OGDH: variants seen among roughly 807,000 people sequenced by gnomAD.
OGDH encodes oxoglutarate dehydrogenase.
In OGDH, 38 loss-of-function variants were observed where a neutral mutation model predicts 116.6. The ratio of observed to expected loss-of-function variants is 0.33; its 90% CI spans 0.25 to 0.43. The LOEUF is 0.43. Among genes scored for constraint, OGDH ranks in the 20% least tolerant of loss-of-function variants. The probability of loss-of-function intolerance (pLI) is 1.00; values close to 1 mark genes in which losing one functional copy is unlikely to be tolerated. For synonymous variants in OGDH, 488 were observed against 533.3 expected, an observed-to-expected ratio of 0.92 and a Z score of 1.17; for missense variants, 825 against 1,357.2, an observed-to-expected ratio of 0.61 and a Z score of 6.16.
intron 6 of OGDH, 30 bp from the exon 7 acceptor site, chr7:44,674,381 C>A: frequency 6.2e-7 from 1 of 1,613,398 alleles, no homozygotes; most frequent in Non-Finnish European, 8.5e-7. Flanking sequence ...AGTGACATTG[C>A]CCTTCAAGGT....
chr7:44,705,091 C>T (rs1158070881), intron 20 of OGDH, among the ~76,000 whole-genome samples: 4 of 100,032 alleles, frequency 4.0e-5, no homozygotes, highest in African/African-American at 1.6e-4. Flanking sequence ...CTCGCTCTGT[C>T]GCCCAGGCTG....
At chr7:44,676,171 G>T in intron 9 of OGDH, 22 bp downstream of exon 9, 1 of 1,614,170 alleles carries the variant, frequency 6.2e-7, no homozygotes, top group Non-Finnish European at 8.5e-7. Flanking sequence ...AGAGAGGCGT[G>T]CAAGGCAGAT....
At position 44,697,095 on chromosome 7, in the gene OGDH, C is replaced by T; in HGVS notation, c.2051+31C>T. On this transcript the variant is annotated intron_variant, in intron 15 of 22. Coordinates refer to ENST00000222673, the MANE Select transcript of OGDH (RefSeq NM_002541.4). The surrounding 1 kb of genome is among the most constrained non-coding windows in gnomAD (Gnocchi z 6.0). Reference sequence around the variant, plus strand: ...GTTCTGGGCAGTTTTGTTTGCCCTCCAAAGAGTAGAAGATGGAAAGGGAGG... The same window carrying T: ...GTTCTGGGCAGTTTTGTTTGCCCTCTAAAGAGTAGAAGATGGAAAGGGAGG... The T allele has an allele frequency of 6.2e-7, 1 of 1,600,772 alleles. No homozygotes were observed. The highest frequency in any genetic ancestry group is 8.6e-7 in the Non-Finnish European group (1 of 1,169,380).
intron 10 of OGDH, among the ~76,000 whole-genome samples, chr7:44,689,271 A>G (rs1788269585): frequency 7.4e-6 from 1 of 135,178 alleles, no homozygotes; most frequent in Admixed American, 8.5e-5. Context: ...GCTGGAGTGC[A>G]GTGGTACAGT....
At position 44,707,872 on chromosome 7, in the gene OGDH, C is replaced by T. The variant is rs759125661; in HGVS notation, c.2952-7C>T. On this transcript the variant is annotated splice_region_variant and splice_polypyrimidine_tract_variant and intron_variant, in intron 22 of 22. Coordinates refer to ENST00000222673, the MANE Select transcript of OGDH (RefSeq NM_002541.4). This position sits in a 1 kb window ranked among gnomAD's most constrained non-coding sequence, Gnocchi z 5.2. Reference sequence around the variant, plus strand: ...TGCCCTCACTGCCCCCTCCCTCCATCTCTCAGGTATGCCGGCCGGGACCCA... The same window carrying T: ...TGCCCTCACTGCCCCCTCCCTCCATTTCTCAGGTATGCCGGCCGGGACCCA... 5 of 1,612,082 alleles carry T rather than the reference C, an allele frequency of 3.1e-6. No homozygotes were observed. The highest frequency in any genetic ancestry group is 1.7e-5 in the Admixed American group (1 of 59,854).
chr7:44,708,120 C>G lies in OGDH; in HGVS notation c.*121C>G. 7.5e-7 allele frequency: 1 copy of G among 1,337,616 alleles called. No individual in the cohort carries two copies. Among genetic ancestry groups the G allele is most frequent in the Non-Finnish European group, 1.0e-6 (1 of 980,370 alleles). The allele number at this position is 1,337,616 out of a possible 1,614,324, so 82.9% of individuals were successfully genotyped here. ...CACCGCCCTCCTCGCTGTGCCACCA[C>G]CCCTCCCTCTGCTCTCATAGGAGTT... is the stretch of plus-strand genomic sequence containing the variant. On this transcript the variant is annotated 3_prime_UTR_variant, in exon 23 of 23. Transcript: ENST00000222673.
intron 1 of OGDH, among the ~76,000 whole-genome samples, chr7:44,619,993 T>C (rs1045380007): frequency 2.0e-5 from 3 of 152,172 alleles, no homozygotes; most frequent in African/African-American, 7.2e-5. Context: ...ATTTCTTTCT[T>C]AATAAGTTCT....
rs536345507 is a variant in OGDH, at chr7:44,623,656, T to C, written c.-27-661T>C. Among the ~76,000 whole-genome samples, 3 of 78,942 alleles carry C rather than the reference T, an allele frequency of 3.8e-5. No individual in the cohort carries two copies. In the East Asian group the frequency reaches 8.0e-4, roughly 21 times the overall value. 51.8% of individuals were successfully genotyped at this position (78,942 alleles called of 152,430 possible). ...CTAGATTTAATGGTTTTTTGTTTTG[T>C]TTTGTTTTGAGACAGAGTCTCACTC... On this transcript the variant is annotated intron_variant, in intron 1 of 22. Transcript: ENST00000222673.
chr7:44,613,269 A>G (rs1263719477), intron 1 of OGDH, among the ~76,000 whole-genome samples: 1 of 151,814 alleles, frequency 6.6e-6, no homozygotes, highest in African/African-American at 2.4e-5. Flanking sequence ...TCTGCCTCCC[A>G]GATTCATGTT....
At chr7:44,702,397 C>G (rs1788872568) in intron 20 of OGDH, among the ~76,000 whole-genome samples, 2 of 152,120 alleles carry the variant, frequency 1.3e-5, no homozygotes, top group Admixed American at 1.3e-4. Context: ...GAAGGGAGAC[C>G]CATAACATTG....
At position 44,705,051 on chromosome 7, in the gene OGDH, C is replaced by CTTTTTTTTTTTTT. The variant is rs777624714; in HGVS notation, c.2633-2167_2633-2155dup. The stretch of plus-strand genomic sequence containing the variant: ...TTGATGTACAAAAGTTTTTAATTTT[C>CTTTTTTTTTTTTT]TTTTTTTTTTTTTTTTTTTGAGACG... On this transcript the variant is annotated intron_variant, in intron 20 of 22. Coordinates refer to ENST00000222673, the MANE Select transcript of OGDH (RefSeq NM_002541.4). Among the ~76,000 whole-genome samples the CTTTTTTTTTTTTT allele has an allele frequency of 3.8e-4, 36 of 93,924 alleles. 3 individuals carry two copies. Among genetic ancestry groups the CTTTTTTTTTTTTT allele is most frequent in the African/African-American group, 9.4e-4 (16 of 17,072 alleles). The allele number at this position is 93,924 out of a possible 152,430, so 61.6% of individuals were successfully genotyped here.
intron 10 of OGDH, among the ~76,000 whole-genome samples, chr7:44,687,340 C>T (rs1341916190): frequency 3.3e-5 from 5 of 151,606 alleles, no homozygotes; most frequent in African/African-American, 7.3e-5. Context: ...TCAAGTGATC[C>T]GCCTGCCTTG....
Position 44,696,981 on chromosome 7 carries a change from G to T in OGDH, c.1968G>T (p.Ala656=). ...ACCGGACTGTGGACTGGGCTCTAGC[G>T]GAGTACATGGCGTTTGGCTCGCTCC... ...VKNRTVDWAL[A]EYMAFGSLLK... The change falls in exon 15 of 23, where the codon GCG becomes GCT. Residue 656 remains alanine, a synonymous_variant. Coordinates refer to ENST00000222673, the MANE Select transcript of OGDH (RefSeq NM_002541.4). The T allele has an allele frequency of 6.2e-7, 1 of 1,614,228 alleles. No homozygotes were observed.
chr7:44,630,933 C>T (rs1327989240), intron 2 of OGDH, among the ~76,000 whole-genome samples: 1 of 152,142 alleles, frequency 6.6e-6, no homozygotes, highest in Non-Finnish European at 1.5e-5. Flanking sequence ...GCACAGCTCA[C>T]AATCCAGTTG....
chr7:44,608,291 G>A (rs1049848973), intron 1 of OGDH, among the ~76,000 whole-genome samples: 1 of 152,104 alleles, frequency 6.6e-6, no homozygotes, highest in African/African-American at 2.4e-5. Flanking sequence ...ACTTGTAGTC[G>A]CAACTACTCA....
chr7:44,610,016 A>G (rs777003262), intron 1 of OGDH, among the ~76,000 whole-genome samples: 1 of 152,018 alleles, frequency 6.6e-6, no homozygotes, highest in African/African-American at 2.4e-5. Context: ...GGATCTTGCT[A>G]TGTTGCCCAG....
intron 5 of OGDH, 40 bp downstream of exon 5, chr7:44,666,891 G>A (rs1183143628): frequency 1.6e-6 from 2 of 1,280,094 alleles, no homozygotes; most frequent in African/African-American, 3.0e-5. Context: ...GACTTCTTAA[G>A]AACTTGTATT....
At chr7:44,664,079 T>G (rs1562651351) in intron 4 of OGDH, among the ~76,000 whole-genome samples, 1 of 152,238 alleles carries the variant, frequency 6.6e-6, no homozygotes, top group Non-Finnish European at 1.5e-5. Context: ...GGTCTTGTTA[T>G]GAATTATAGT....
chr7:44,687,514 C>T (rs1014216065), intron 10 of OGDH, among the ~76,000 whole-genome samples: 1 of 152,166 alleles, frequency 6.6e-6, no homozygotes. Flanking sequence ...CTCCGAGGCT[C>T]AAGCAATCCT....
Sources: allele counts gnomAD v4.1 joint callset (sites outside exome capture counted in the v4.1 genomes callset), GRCh38; gene constraint gnomAD v4.1.1; non-coding constraint Gnocchi (gnomAD v3.1); transcripts MANE v1.5; gene names NCBI Gene and HGNC (gene_info 2026-07-23, HGNC 2026-07-21).